CNTNAP2: variants seen among roughly 807,000 people sequenced by gnomAD.
The protein encoded by CNTNAP2 is contactin-associated protein-like 2.
In CNTNAP2, 98 loss-of-function variants were observed where a neutral mutation model predicts 155.2. The ratio of observed to expected loss-of-function variants is 0.63; its 90% CI spans 0.54 to 0.75. CNTNAP2 has a LOEUF of 0.75. Among genes scored for constraint, CNTNAP2 ranks in the 30% least tolerant of loss-of-function variants. The probability of loss-of-function intolerance (pLI) is 0.00; values close to 1 mark genes in which losing one functional copy is unlikely to be tolerated. For synonymous variants in CNTNAP2, 651 were observed against 631.2 expected (o/e 1.03, Z -0.47); for missense variants, 1,727 against 1,688.1 (o/e 1.02, Z -0.40).
chr7:148,368,398 C>T (rs894380966), intron 21 of CNTNAP2, among the ~76,000 whole-genome samples: 2 of 152,162 alleles, frequency 1.3e-5, no homozygotes, highest in Admixed American at 6.5e-5. Context: ...CCCTGGTCTC[C>T]AGGCATCTGG....
At chr7:147,754,298 C>T (rs1432067717) in intron 13 of CNTNAP2, among the ~76,000 whole-genome samples, 2 of 152,186 alleles carry the variant, frequency 1.3e-5, no homozygotes, top group African/African-American at 4.8e-5. Flanking sequence ...AATTCATCAT[C>T]ATCTTAAACT....
At chr7:147,709,262 G>C (rs537990146) in intron 13 of CNTNAP2, among the ~76,000 whole-genome samples, 1 of 152,224 alleles carries the variant, frequency 6.6e-6, no homozygotes, top group South Asian at 2.1e-4. Context: ...TCCCCTTTGA[G>C]CTGGTAAAGA....
chr7:147,902,860 TTATC>T (rs1799895782), intron 13 of CNTNAP2, among the ~76,000 whole-genome samples: 2 of 143,510 alleles, frequency 1.4e-5, no homozygotes, highest in South Asian at 4.6e-4. Context: ...AACAGTTTAT[TTATC>T]CATTCATTGA....
intron 18 of CNTNAP2, among the ~76,000 whole-genome samples, chr7:148,211,199 C>G (rs1795543104): frequency 6.6e-6 from 1 of 152,214 alleles, no homozygotes; most frequent in Non-Finnish European, 1.5e-5. Context: ...GGCTGCAGCT[C>G]AGTTCTATGC....
intron 1 of CNTNAP2, among the ~76,000 whole-genome samples, chr7:146,216,255 TG>T (rs1799111077): frequency 6.6e-6 from 1 of 152,154 alleles, no homozygotes; most frequent in Non-Finnish European, 1.5e-5. Flanking sequence ...AGTTAGGCAG[TG>T]GTTGATGAGG....
intron 4 of CNTNAP2, among the ~76,000 whole-genome samples, chr7:147,072,436 G>T (rs1416680135): frequency 6.6e-6 from 1 of 151,998 alleles, no homozygotes; most frequent in Non-Finnish European, 1.5e-5. Context: ...GATCATGTCT[G>T]CTCTGGGTAA....
At chr7:147,462,402 G>A (rs771439516) in intron 10 of CNTNAP2, among the ~76,000 whole-genome samples, 3 of 152,064 alleles carry the variant, frequency 2.0e-5, no homozygotes, top group African/African-American at 7.2e-5. Flanking sequence ...CTCACTAGTG[G>A]TTTCTTCAAT....
At chr7:147,801,941 G>C (rs1487231727) in intron 13 of CNTNAP2, among the ~76,000 whole-genome samples, 32 of 134,308 alleles carry the variant, frequency 2.4e-4, no homozygotes, top group East Asian at 1.5e-3. Flanking sequence ...GGGGCGGCTG[G>C]CCGGGCGGGG....
At position 148,416,885 on chromosome 7, in the gene CNTNAP2, CCT is replaced by C. The variant is rs1339406311; in HGVS notation, c.*1272_*1273del. On this transcript the variant is annotated 3_prime_UTR_variant, in exon 24 of 24. Coordinates refer to ENST00000361727, the MANE Select transcript of CNTNAP2 (RefSeq NM_014141.6). ...GGATGGAGAAGTGTAGTTAATCACACCTCTTAGTTTAATCTGAAATCTTGACC... is the reference window on the plus strand; with the variant it reads ...GGATGGAGAAGTGTAGTTAATCACACCTTAGTTTAATCTGAAATCTTGACC... 7.3e-5 allele frequency: 11 copies of C among 151,602 alleles called. No homozygotes were observed. Among genetic ancestry groups the C allele is most frequent in the Non-Finnish European group, 1.3e-4 (9 of 68,034 alleles). 9.4% of individuals were successfully genotyped at this position (151,602 alleles called of 1,614,324 possible). A position where few individuals can be genotyped will look rare whatever the true frequency, so the allele number is the denominator to read the frequency against.
chr7:146,882,261 G>A lies in CNTNAP2; in HGVS notation c.402+42357G>A, dbSNP rs571754546. 3.3e-5 allele frequency among the ~76,000 whole-genome samples: 5 copies of A among 152,140 alleles called. No homozygotes were observed. The South Asian group carries it at 1.0e-3, about 32-fold the overall frequency. Reference sequence around the variant, plus strand: ...TGTCTTTGCTATGGTGAATAGTGCTGTAATGAACATATGAATGCATGTATC... The same window carrying A: ...TGTCTTTGCTATGGTGAATAGTGCTATAATGAACATATGAATGCATGTATC... On this transcript the variant is annotated intron_variant, in intron 3 of 23. Coordinates refer to ENST00000361727, the MANE Select transcript of CNTNAP2 (RefSeq NM_014141.6).
intron 1 of CNTNAP2, among the ~76,000 whole-genome samples, chr7:146,288,508 G>C (rs1800375189): frequency 6.6e-6 from 1 of 151,696 alleles, no homozygotes; most frequent in African/African-American, 2.4e-5. Flanking sequence ...ATTAGACGTT[G>C]TTTTATTATA....
intron 1 of CNTNAP2, among the ~76,000 whole-genome samples, chr7:146,668,428 C>CTGTGTGTGTGTG (rs573459590): frequency 8.7e-6 from 1 of 115,490 alleles, no homozygotes; most frequent in African/African-American, 3.0e-5. Context: ...TGTAATTTTC[C>CTGTGTGTGTGTG]TGTGTGTGTG....
chr7:147,652,686 T>C (rs973735172), intron 13 of CNTNAP2, among the ~76,000 whole-genome samples: 2 of 151,778 alleles, frequency 1.3e-5, no homozygotes, highest in Non-Finnish European at 2.9e-5. Flanking sequence ...CTCTAGACTC[T>C]ATATATTTTC....
chr7:146,568,701 T>C (rs1335525318), intron 1 of CNTNAP2, among the ~76,000 whole-genome samples: 2 of 152,134 alleles, frequency 1.3e-5, no homozygotes, highest in Non-Finnish European at 2.9e-5. Flanking sequence ...TGATTTTTGG[T>C]AGACAGAAAC....
chr7:147,802,380 C>T (rs561472150), intron 13 of CNTNAP2, among the ~76,000 whole-genome samples: 2,272 of 151,896 alleles, frequency 0.015, 60 homozygotes, highest in African/African-American at 0.052. Context: ...GGGTGGCGGC[C>T]GGGCAGAGGC....
At chr7:147,666,017 A>G (rs1016711347) in intron 13 of CNTNAP2, among the ~76,000 whole-genome samples, 1 of 152,208 alleles carries the variant, frequency 6.6e-6, no homozygotes, top group Non-Finnish European at 1.5e-5. Flanking sequence ...AGCCATTCTC[A>G]TGAGTATGTC....
intron 2 of CNTNAP2, among the ~76,000 whole-genome samples, chr7:146,806,542 G>T (rs2129192735): frequency 6.6e-6 from 1 of 151,728 alleles, no homozygotes; most frequent in East Asian, 1.9e-4. Flanking sequence ...CTATCTTGAT[G>T]AACACAAATG....
intron 11 of CNTNAP2, among the ~76,000 whole-genome samples, chr7:147,559,352 T>C (rs1800015578): frequency 6.6e-6 from 1 of 152,178 alleles, no homozygotes; most frequent in Non-Finnish European, 1.5e-5. Flanking sequence ...AAAGACCTGT[T>C]AGGATAACCC....
chr7:146,440,035 A>G (rs368875429), intron 1 of CNTNAP2, among the ~76,000 whole-genome samples: 14 of 151,560 alleles, frequency 9.2e-5, no homozygotes, highest in African/African-American at 3.2e-4. Context: ...GTGGCAGGAG[A>G]ATCGCTTGAA....
Sources: allele counts gnomAD v4.1 joint callset (sites outside exome capture counted in the v4.1 genomes callset), GRCh38; gene constraint gnomAD v4.1.1; transcripts MANE v1.5; gene names NCBI Gene and HGNC (gene_info 2026-07-23, HGNC 2026-07-21).